DDX51: variants seen among roughly 807,000 people sequenced by gnomAD.
DDX51 encodes DEAD-box helicase 51.
DDX51 carries 67 observed loss-of-function variants against 74.6 expected under a neutral mutation model. That is an observed-to-expected ratio of 0.90 (90% CI 0.74 to 1.10). The LOEUF is 1.10. Ranked by LOEUF, DDX51 falls within the 50% of genes least tolerant of loss-of-function variation. DDX51 has a pLI of 0.00. For synonymous variants in DDX51, 545 were observed against 402.9 expected, an observed-to-expected ratio of 1.35 and a Z score of -4.22; for missense variants, 1,056 against 905.2, an observed-to-expected ratio of 1.17 and a Z score of -2.14.
chr12:132,139,624 G>A lies in DDX51; in HGVS notation c.1974+11C>T, dbSNP rs745980231. On this transcript the variant is annotated intron_variant, in intron 14 of 14. Transcript: ENST00000397333. ...CCCAGAGGGTTTCATGCCGGACTCT[G>A]GTGCCCTTACCTTGACAGACTCCTC... 1 of 1,613,120 alleles carries A rather than the reference G, an allele frequency of 6.2e-7. No homozygotes were observed. The highest frequency in any genetic ancestry group is 8.5e-7 in the Non-Finnish European group (1 of 1,180,010).
chr12:132,143,590 C>T (rs1360090996), intron 2 of DDX51, 105 bp downstream of exon 2: 8 of 1,432,304 alleles, frequency 5.6e-6, no homozygotes, highest in African/African-American at 1.4e-5. Flanking sequence ...CGGCTGTGAC[C>T]CGGGAACATT....
intron 2 of DDX51, 45 bp downstream of exon 2, chr12:132,143,650 G>C (rs1314663371): frequency 6.5e-7 from 1 of 1,531,514 alleles, no homozygotes; most frequent in East Asian, 2.5e-5. Flanking sequence ...AATCCGCGCA[G>C]CCTACCCTCT....
Position 132,140,122 on chromosome 12 carries a change from TG to T in DDX51, c.1750del (p.Gln584SerfsTer3). Reference protein sequence around the residue: ...VELVVNYDAPQYLRTYVHRVG... With the variant: ...VELVVNYDAPXYLRTYVHRVG... ...CCGGTGCACGTAGGTTCTCAGGTAC[TG>T]GGGGGCGTCGTAGTTCACCACCAGC... is the stretch of plus-strand genomic sequence containing the variant. On this transcript the variant is annotated frameshift_variant, in exon 12 of 15. Coordinates refer to ENST00000397333, the MANE Select transcript of DDX51 (RefSeq NM_175066.4). LOFTEE classifies it high-confidence loss of function. 1 of 1,612,816 alleles carries T rather than the reference TG, an allele frequency of 6.2e-7. No homozygotes were observed.
In DDX51 at chr12:132,138,232, T is replaced by C. The variant is rs535339143; in HGVS notation, c.*1040A>G. ...GACTCTGTGTTTAACGCCCCAAGGC[T>C]TTGCCCAGCTGTCTCCACGTGACCT... On this transcript the variant is annotated 3_prime_UTR_variant, in exon 15 of 15. Coordinates refer to ENST00000397333, the MANE Select transcript of DDX51 (RefSeq NM_175066.4). 2 of 152,456 alleles carry C rather than the reference T, an allele frequency of 1.3e-5. No homozygotes were observed. The highest frequency in any genetic ancestry group is 4.1e-4 in the South Asian group (2 of 4,832). 9.4% of individuals were successfully genotyped at this position (152,456 alleles called of 1,614,324 possible).
At position 132,141,906 on chromosome 12, in the gene DDX51, G is replaced by A. The variant is rs774067276; in HGVS notation, c.939C>T (p.Ser313=). 14 of 1,613,104 alleles carry A rather than the reference G, an allele frequency of 8.7e-6. No individual in the cohort carries two copies. In the South Asian group the frequency reaches 8.8e-5, roughly 10 times the overall value. ...IYTDATPLRV[S]LVTGQKSLAK... is the part of the protein sequence containing the mutation. Reference sequence around the variant, plus strand: ...CCAGAGACTTCTGTCCCGTAACCAGGGAGACTCTCAGAGGTGTGGCATCTG... The same window carrying A: ...CCAGAGACTTCTGTCCCGTAACCAGAGAGACTCTCAGAGGTGTGGCATCTG... Residue 313 remains serine, a synonymous_variant, in exon 6 of 15, where the codon TCC becomes TCT. Transcript: ENST00000397333.
At chr12:132,141,136 G>A in intron 8 of DDX51, 116 bp from the exon 9 acceptor site, 5 of 1,493,166 alleles carry the variant, frequency 3.3e-6, no homozygotes, top group Non-Finnish European at 4.5e-6. Context: ...AGCAAGGTGG[G>A]TCCAGCTCAC....
chr12:132,140,227 C>G, intron 11 of DDX51, 28 bp from the exon 12 acceptor site: 1 of 1,603,132 alleles, frequency 6.2e-7, no homozygotes, highest in Non-Finnish European at 8.5e-7. Context: ...ATTGTGGGCC[C>G]GACGTGCCAG....
chr12:132,141,323 G>C lies in DDX51; in HGVS notation c.1202C>G (p.Pro401Arg), dbSNP rs951165748. Residue 401 changes from proline to arginine, a missense_variant, in exon 8 of 15, where the codon CCC becomes CGC. By Grantham distance (103) the Pro-to-Arg change is moderately radical. Transcript: ENST00000397333. ...CTGCCTTCGCTGGAGCAGGGCACAG[G>C]GGTCCGCGGGGTCCTCGCTCTGGAA... ...AAFQSEDPAD[P>R]CALLQRRQAQ... 1 of 1,598,752 alleles carries C rather than the reference G, an allele frequency of 6.3e-7. No individual in the cohort carries two copies. Among genetic ancestry groups the C allele is most frequent in the Non-Finnish European group, 8.5e-7 (1 of 1,179,620 alleles).
In DDX51 at chr12:132,137,988, C is replaced by G. The variant is rs1897314878; in HGVS notation, c.*1284G>C. 6.6e-6 allele frequency: 1 copy of G among 152,278 alleles called. No individual in the cohort carries two copies. The highest frequency in any genetic ancestry group is 2.4e-5 in the African/African-American group (1 of 41,448). 9.4% of individuals were successfully genotyped at this position (152,278 alleles called of 1,614,324 possible). On this transcript the variant is annotated 3_prime_UTR_variant, in exon 15 of 15. Transcript: ENST00000397333. ...AGTTAGCGTCAGGTTCCGGGTTCAT[C>G]CACGGGGTGCCTATGCTGGTGCCTC... is the stretch of plus-strand genomic sequence containing the variant.
At position 132,144,045 on chromosome 12, in the gene DDX51, CG is replaced by C; in HGVS notation, c.251del (p.Pro84ArgfsTer145). ...TCCGTCGCTTTCCCTGCGGCGCCTC[CG>C]GGCTCCCCGGCTCCGCGTCGTTCAC... ...RRVNDAEPGS[P>X]EAPQGKRRKA... is the part of the protein sequence containing the mutation. On this transcript the variant is annotated frameshift_variant, in exon 1 of 15. Transcript: ENST00000397333. LOFTEE classifies it high-confidence loss of function. 1 of 1,342,612 alleles carries C rather than the reference CG, an allele frequency of 7.4e-7. No homozygotes were observed. Among genetic ancestry groups the C allele is most frequent in the African/African-American group, 1.5e-5 (1 of 65,078 alleles). The allele number at this position is 1,342,612 out of a possible 1,614,324, so 83.2% of individuals were successfully genotyped here.
chr12:132,137,081 C>CAA lies in DDX51; in HGVS notation c.*2190_*2191insTT. On this transcript the variant is annotated 3_prime_UTR_variant, in exon 15 of 15. Transcript: ENST00000397333. ...TGCTATTTGTATAGAGAGTTTCTGT[C>CAA]AGACTCAGTCTGTGCTGCTCTGTGA... The CAA allele has an allele frequency of 6.6e-6, 1 of 152,366 alleles. No homozygotes were observed. Among genetic ancestry groups the CAA allele is most frequent in the East Asian group, 1.9e-4 (1 of 5,190 alleles). The allele number at this position is 152,366 out of a possible 1,614,324, so 9.4% of individuals were successfully genotyped here. A position where few individuals can be genotyped will look rare whatever the true frequency, so the allele number is the denominator to read the frequency against.
Position 132,140,649 on chromosome 12 carries a change from G to T in DDX51, c.1527C>A (p.Cys509Ter). The T allele has an allele frequency of 6.2e-7, 1 of 1,612,988 alleles. No homozygotes were observed. The highest frequency in any genetic ancestry group is 8.5e-7 in the Non-Finnish European group (1 of 1,180,034). Residue 509 changes from cysteine (C) to a stop codon, truncating the protein, a stop_gained, in exon 10 of 15, where the codon TGC (cysteine) becomes TGA (stop). Transcript: ENST00000397333. LOFTEE classifies it high-confidence loss of function. ...GGGAGTTCTCTCGGGAGTTAGTGAA[G>T]CAGAGAACCCTCGAGAAGCCCATCT... ...VLEMGFSRVL[C>*]FTNSRENSHR...
intron 9 of DDX51, 22 bp from the exon 10 acceptor site, chr12:132,140,757 G>A (rs761072618): frequency 3.7e-5 from 59 of 1,612,942 alleles, no homozygotes; most frequent in Non-Finnish European, 4.6e-5. Flanking sequence ...GCAGGGGGTC[G>A]GGGTGGAGGT....
At chr12:132,142,472 C>G in intron 3 of DDX51, 50 bp from the exon 4 acceptor site, 1 of 1,585,186 alleles carries the variant, frequency 6.3e-7, no homozygotes, top group Non-Finnish European at 8.5e-7. Flanking sequence ...TAGGCCTAGG[C>G]CTGCCGCTTC....
rs1789828040 is a variant in DDX51 at position 132,137,886 on chromosome 12, C to T, written c.*1386G>A. On this transcript the variant is annotated 3_prime_UTR_variant, in exon 15 of 15. Transcript: ENST00000397333. Reference sequence around the variant, plus strand: ...GGCCACTGTGTCCCCAGCCCCAACCCCCACCAACTCCCGGCCCCGGCACCC... The same window carrying T: ...GGCCACTGTGTCCCCAGCCCCAACCTCCACCAACTCCCGGCCCCGGCACCC... 1 of 152,144 alleles carries T rather than the reference C, an allele frequency of 6.6e-6. No individual in the cohort carries two copies. Among genetic ancestry groups the T allele is most frequent in the Non-Finnish European group, 1.5e-5 (1 of 68,064 alleles). The allele number at this position is 152,144 out of a possible 1,614,324, so 9.4% of individuals were successfully genotyped here.
Position 132,139,775 on chromosome 12 carries a change from GAGA to G in DDX51, c.1840-9_1840-7del. On this transcript the variant is annotated splice_region_variant and splice_polypyrimidine_tract_variant and intron_variant, in intron 13 of 14. Coordinates refer to ENST00000397333, the MANE Select transcript of DDX51 (RefSeq NM_175066.4). ...ATTCGGAGGAATCTCCTCTCCTGGA[GAGA>G]AGCTCATGGTGGAAGGGGGTTCTTG... The G allele has an allele frequency of 6.2e-7, 1 of 1,613,132 alleles. No homozygotes were observed. The highest frequency in any genetic ancestry group is 8.5e-7 in the Non-Finnish European group (1 of 1,179,946).
rs748066296 is a variant in DDX51, at chr12:132,141,333, G to C, written c.1192C>G (p.Pro398Ala). ...VVAAAFQSED[P>A]ADPCALLQRR... ...TGGAGCAGGGCACAGGGGTCCGCGG[G>C]GTCCTCGCTCTGGAAGGCGGCCGCC... Residue 398 changes from proline to alanine, a missense_variant, in exon 8 of 15, where the codon CCC becomes GCC. By Grantham distance (27) the Pro-to-Ala change is conservative. Coordinates refer to ENST00000397333, the MANE Select transcript of DDX51 (RefSeq NM_175066.4). 1 of 1,598,820 alleles carries C rather than the reference G, an allele frequency of 6.3e-7. No individual in the cohort carries two copies. Among genetic ancestry groups the C allele is most frequent in the Non-Finnish European group, 8.5e-7 (1 of 1,179,682 alleles).
intron 2 of DDX51, chr12:132,143,197 C>A: frequency 6.9e-6 from 3 of 433,564 alleles, no homozygotes; most frequent in Non-Finnish European, 1.3e-5. Context: ...CTGCCTGGCA[C>A]CCCCAACCCC....
intron 2 of DDX51, 101 bp downstream of exon 2, chr12:132,143,594 G>C (rs896270791): frequency 6.9e-7 from 1 of 1,442,608 alleles, no homozygotes; most frequent in African/African-American, 1.4e-5. Flanking sequence ...TGTGACCCGG[G>C]AACATTCGCT....
Sources: allele counts gnomAD v4.1 joint callset, GRCh38; gene constraint gnomAD v4.1.1; transcripts MANE v1.5; gene names NCBI Gene and HGNC (gene_info 2026-07-23, HGNC 2026-07-21).